Variants in WASHC2A observed in about 807,000 individuals in gnomAD.
WASHC2A encodes WASH complex subunit FAM21A.
Under a neutral mutation model 140.3 loss-of-function variants are expected in WASHC2A, and 82 were observed. That is an observed-to-expected ratio of 0.58 (90% CI 0.49 to 0.70). WASHC2A has a LOEUF of 0.70. Among genes scored for constraint, WASHC2A ranks in the 30% least tolerant of loss-of-function variants. The pLI is 0.00. For missense variants in WASHC2A, 985 were observed against 1,521.8 expected, an observed-to-expected ratio of 0.65 and a Z score of 5.87; for synonymous variants, 340 against 560.8, an observed-to-expected ratio of 0.61 and a Z score of 5.56.
At position 50,129,404 on chromosome 10, in the gene WASHC2A, T is replaced by C. The variant is rs760899496; in HGVS notation, c.3088-15T>C. The C allele has an allele frequency of 6.2e-7, 1 of 1,612,052 alleles. No homozygotes were observed. ...TTTTATCGTCAGATCAATGTGTGTT[T>C]TTTTGCCATTGCAGAGCCGTGTCAA... On this transcript the variant is annotated splice_polypyrimidine_tract_variant and intron_variant, in intron 28 of 30. Transcript: ENST00000282633.
intron 3 of WASHC2A, among the ~76,000 whole-genome samples, chr10:50,069,931 T>C (rs138182850): frequency 1.2e-3 from 177 of 152,354 alleles, no homozygotes; most frequent in African/African-American, 3.8e-3. Flanking sequence ...TTTCTTATAC[T>C]TCGGTGCTTC....
intron 8 of WASHC2A, among the ~76,000 whole-genome samples, chr10:50,089,576 T>G (rs1486566730): frequency 6.6e-6 from 1 of 152,192 alleles, no homozygotes; most frequent in African/African-American, 2.4e-5. Flanking sequence ...GAGCATGTCA[T>G]TCCAAGTCTG....
Position 50,097,719 on chromosome 10 carries a change from G to T in WASHC2A, c.1465G>T (p.Asp489Tyr). The T allele has an allele frequency of 6.2e-7, 1 of 1,603,752 alleles. No individual in the cohort carries two copies. Among genetic ancestry groups the T allele is most frequent in the Non-Finnish European group, 8.5e-7 (1 of 1,176,000 alleles). The change falls in exon 16 of 31, where the codon GAT (aspartate) becomes TAT (tyrosine). Residue 489 changes from aspartate (D) to tyrosine (Y), a missense_variant. Physicochemically the swap from Asp to Tyr is radical, Grantham distance 160. Transcript: ENST00000282633. ...CGATATCTTTGGTGACGAAGAAGGA[G>T]ATCTGTTCAAAGAAAAAGCCGTAGC... Reference protein sequence around the residue: ...TADIFGDEEGDLFKEKAVASP... With the variant: ...TADIFGDEEGYLFKEKAVASP...
chr10:50,084,631 A>C (rs1392410559), intron 6 of WASHC2A, among the ~76,000 whole-genome samples: 1 of 151,678 alleles, frequency 6.6e-6, no homozygotes, highest in East Asian at 1.9e-4. Context: ...GGGTTTCACC[A>C]TATTGTCCAG....
intron 11 of WASHC2A, 152 bp downstream of exon 11, chr10:50,092,385 C>G: frequency 6.5e-7 from 1 of 1,528,630 alleles, no homozygotes; most frequent in Non-Finnish European, 8.8e-7. Flanking sequence ...GGGCTGGGCG[C>G]GGTGGCTCAC....
At chr10:50,090,515 A>AAATATATATAT (rs1214596899) in intron 8 of WASHC2A, among the ~76,000 whole-genome samples, 1 of 108,766 alleles carries the variant, frequency 9.2e-6, no homozygotes, top group African/African-American at 3.3e-5. Context: ...AAAAAAAAAA[A>AAATATATATAT]ATATATATAT....
At chr10:50,102,921 C>T (rs1841352887) in intron 17 of WASHC2A, among the ~76,000 whole-genome samples, 1 of 151,694 alleles carries the variant, frequency 6.6e-6, no homozygotes, top group Non-Finnish European at 1.5e-5. Flanking sequence ...GGCTGGAGTG[C>T]AATGGTGGGA....
chr10:50,130,150 A>G (rs1843813418), intron 29 of WASHC2A, 111 bp downstream of exon 29: 1 of 1,350,804 alleles, frequency 7.4e-7, no homozygotes, highest in African/African-American at 1.4e-5. Context: ...CCCCATAGCC[A>G]CTTGCTTAGT....
chr10:50,077,033 C>T lies in WASHC2A; in HGVS notation c.292-1642C>T, dbSNP rs1225713265. Among the ~76,000 whole-genome samples, 543 of 150,964 alleles carry T rather than the reference C, an allele frequency of 3.6e-3. 3 individuals are homozygous for T. Among genetic ancestry groups the T allele is most frequent in the African/African-American group, 0.013 (517 of 40,978 alleles). ...TCGGGAGGCTGAGGCAGGAGAATGGCGTGAACCCAGGAGGCAGAGCTTGCA... is the reference window on the plus strand; with the variant it reads ...TCGGGAGGCTGAGGCAGGAGAATGGTGTGAACCCAGGAGGCAGAGCTTGCA... On this transcript the variant is annotated intron_variant, in intron 3 of 30. Coordinates refer to ENST00000282633, the MANE Select transcript of WASHC2A (RefSeq NM_001005751.3).
At chr10:50,121,332 T>C (rs1199686266) in intron 23 of WASHC2A, among the ~76,000 whole-genome samples, 28,094 of 149,462 alleles carry the variant, frequency 0.19, 3,494 homozygotes, top group East Asian at 0.49. Context: ...TGAAAACCAA[T>C]TGTAGTTCTG....
rs1257617266 is a variant in WASHC2A, at chr10:50,131,078, G to A, written c.3886G>A (p.Asp1296Asn). The change falls in exon 30 of 31, where the codon GAT (aspartate) becomes AAT (asparagine). Residue 1296 changes from aspartate (D) to asparagine (N), a missense_variant and splice_region_variant. Coordinates refer to ENST00000282633, the MANE Select transcript of WASHC2A (RefSeq NM_001005751.3). The part of the protein sequence containing the change: ...EAKSIFDDDM[D>N]DIFSSGIQAK... ...CAAGTCTATATTTGATGATGATATGGGTAAGTTTGGTTTTCTACATCTGAC... is the reference window on the plus strand; with the variant it reads ...CAAGTCTATATTTGATGATGATATGAGTAAGTTTGGTTTTCTACATCTGAC... 1 of 1,611,786 alleles carries A rather than the reference G, an allele frequency of 6.2e-7. No individual in the cohort carries two copies. The highest frequency in any genetic ancestry group is 2.3e-4 in the Middle Eastern group (1 of 4,428).
At chr10:50,125,781 T>C (rs2999350) in intron 25 of WASHC2A, among the ~76,000 whole-genome samples, 3 of 152,196 alleles carry the variant, frequency 2.0e-5, no homozygotes, top group Non-Finnish European at 2.9e-5. Context: ...AGGTGCAAAG[T>C]TTTGAGTCTG....
chr10:50,110,266 G>T lies in WASHC2A; in HGVS notation c.2035G>T (p.Asp679Tyr), dbSNP rs1371816439. The change falls in exon 20 of 31, where the codon GAC becomes TAC. Residue 679 changes from aspartate (D) to tyrosine (Y), a missense_variant. By Grantham distance (160) the Asp-to-Tyr change is radical (BLOSUM62 -3). Transcript: ENST00000282633. ...EEDDLFAIAK[D>Y]SQKKTQRVSL... ...AGATGATCTTTTTGCCATTGCCAAG[G>T]ACAGGTGAGATAGTCATTGGAAGGA... is the stretch of plus-strand genomic sequence containing the variant. 5.0e-6 allele frequency: 8 copies of T among 1,611,726 alleles called. No individual in the cohort carries two copies. The African/African-American group carries it at 9.3e-5, about 19-fold the overall frequency.
In WASHC2A at chr10:50,106,365, A is replaced by T; in HGVS notation, c.1769A>T (p.Lys590Met). The change falls in exon 19 of 31, where the codon AAG becomes ATG. Residue 590 changes from lysine to methionine, a missense_variant. By Grantham distance (95) the Lys-to-Met change is moderately conservative (BLOSUM62 -1). Coordinates refer to ENST00000282633, the MANE Select transcript of WASHC2A (RefSeq NM_001005751.3). ...CTTTTTGGGGGTACAGCTGCTAAGA[A>T]GCAGACATTGTGTCTACAAGCTCAG... ...DNLFGGTAAK[K>M]QTLCLQAQRE... 1 of 1,610,726 alleles carries T rather than the reference A, an allele frequency of 6.2e-7. No individual in the cohort carries two copies. The highest frequency in any genetic ancestry group is 8.5e-7 in the Non-Finnish European group (1 of 1,178,870).
chr10:50,083,915 AT>A (rs147264973), intron 5 of WASHC2A, among the ~76,000 whole-genome samples, 156 bp from the exon 6 acceptor site: 3 of 111,464 alleles, frequency 2.7e-5, no homozygotes, highest in African/African-American at 7.2e-5. Context: ...GAAAAAAAGA[AT>A]TTTTTTTTTA....
At chr10:50,088,623 G>T (rs1185615054) in intron 8 of WASHC2A, among the ~76,000 whole-genome samples, 1 of 132,178 alleles carries the variant, frequency 7.6e-6, no homozygotes, top group African/African-American at 2.8e-5. Flanking sequence ...AGGTGGTATA[G>T]AGTTATGTTA....
intron 3 of WASHC2A, among the ~76,000 whole-genome samples, chr10:50,070,812 C>A (rs1837731809): frequency 7.9e-6 from 1 of 126,084 alleles, no homozygotes; most frequent in African/African-American, 2.9e-5. Flanking sequence ...GGTGGATCAC[C>A]TGAGGTTGGG....
chr10:50,094,221 TAAAG>T (rs1237029077), intron 13 of WASHC2A, among the ~76,000 whole-genome samples: 1 of 150,374 alleles, frequency 6.7e-6, no homozygotes, highest in East Asian at 1.9e-4. Flanking sequence ...AAGTTTAATT[TAAAG>T]AAACATTTTT....
Position 50,068,081 on chromosome 10 carries a change from C to T in WASHC2A, c.4-24C>T, listed in dbSNP as rs1554874605. 4 of 1,608,958 alleles carry T rather than the reference C, an allele frequency of 2.5e-6. No homozygotes were observed. In the South Asian group the frequency reaches 4.4e-5, roughly 18 times the overall value. ...TCCCTGCCGCCCTCAGGCTCAGCTTCTCTTCTCGTTTTTTTCGCTGCAGAT... is the reference window on the plus strand; with the variant it reads ...TCCCTGCCGCCCTCAGGCTCAGCTTTTCTTCTCGTTTTTTTCGCTGCAGAT... On this transcript the variant is annotated intron_variant, in intron 1 of 30. Transcript: ENST00000282633.
Sources: allele counts gnomAD v4.1 joint callset (sites outside exome capture counted in the v4.1 genomes callset), GRCh38; gene constraint gnomAD v4.1.1; transcripts MANE v1.5; gene names NCBI Gene and HGNC (gene_info 2026-07-23, HGNC 2026-07-21).